The following DCC variants were observed in gnomAD, a reference collection of about 807,000 sequenced individuals.
DCC encodes netrin receptor DCC.
Under a neutral mutation model 172.5 loss-of-function variants are expected in DCC, and 58 were observed. The observed-to-expected ratio is 0.34, with a 90% CI of 0.27 to 0.42. The LOEUF is 0.42. Among genes scored for constraint, DCC ranks in the 10% least tolerant of loss-of-function variants. The pLI is 1.00. For missense variants in DCC, 1,740 were observed against 1,791.0 expected (o/e 0.97, Z 0.51); for synonymous variants, 709 against 644.5 (o/e 1.10, Z -1.52).
intron 11 of DCC, among the ~76,000 whole-genome samples, chr18:53,208,421 C>T (rs892028308): frequency 6.6e-6 from 1 of 151,908 alleles, no homozygotes; most frequent in African/African-American, 2.4e-5. Context: ...TTTTCTAATA[C>T]ACATTTGTGC....
At chr18:52,573,647 T>A (rs1210255266) in intron 1 of DCC, among the ~76,000 whole-genome samples, 4 of 152,210 alleles carry the variant, frequency 2.6e-5, no homozygotes, top group Non-Finnish European at 4.4e-5. Context: ...ATCTGCTGTC[T>A]CTTTCTATTT....
intron 7 of DCC, among the ~76,000 whole-genome samples, chr18:53,143,376 G>A (rs958089154): frequency 6.6e-6 from 1 of 152,164 alleles, no homozygotes; most frequent in Admixed American, 6.5e-5. Context: ...GAGAATACAG[G>A]TTGGTTGCCC....
intron 5 of DCC, among the ~76,000 whole-genome samples, chr18:52,959,510 C>T (rs1335357429): frequency 6.0e-5 from 9 of 149,292 alleles, no homozygotes; most frequent in South Asian, 4.2e-4. Context: ...GTTTGGGCTT[C>T]GATGGAACCC....
intron 27 of DCC, among the ~76,000 whole-genome samples, chr18:53,508,471 G>A (rs529398858): frequency 6.6e-6 from 1 of 152,252 alleles, no homozygotes; most frequent in South Asian, 2.1e-4. Context: ...AGGATTACAG[G>A]CATGAGCCAC....
chr18:52,510,575 T>C (rs1037517278), intron 1 of DCC, among the ~76,000 whole-genome samples: 1 of 152,198 alleles, frequency 6.6e-6, no homozygotes, highest in Admixed American at 6.5e-5. Flanking sequence ...ATGGTGCCCT[T>C]ATTTCCACTC....
chr18:52,539,290 G>T (rs1381349139), intron 1 of DCC, among the ~76,000 whole-genome samples: 1 of 152,000 alleles, frequency 6.6e-6, no homozygotes, highest in Non-Finnish European at 1.5e-5. Flanking sequence ...ATCTAAGAGG[G>T]AGTTCAAGGT....
At chr18:52,424,100 GT>G (rs1480203863) in intron 1 of DCC, among the ~76,000 whole-genome samples, 1 of 151,992 alleles carries the variant, frequency 6.6e-6, no homozygotes, top group Non-Finnish European at 1.5e-5. Context: ...ATGAAAATTG[GT>G]TTGCTTATTT....
At position 53,459,304 on chromosome 18, in the gene DCC, C is replaced by A. The variant is rs764560569; in HGVS notation, c.3465C>A (p.Ile1155=). 1 of 1,614,100 alleles carries A rather than the reference C, an allele frequency of 6.2e-7. No homozygotes were observed. Among genetic ancestry groups the A allele is most frequent in the East Asian group, 2.2e-5 (1 of 44,860 alleles). ...ACCTCCGACCCCCTGATCTTTGGAT[C>A]CATCATGAAGAAATGGAGATGAAAA... ...QKDLRPPDLW[I]HHEEMEMKNI... Residue 1155 remains isoleucine, a synonymous_variant, in exon 24 of 29, where the codon ATC becomes ATA. Transcript: ENST00000442544.
chr18:53,364,281 G>T (rs150971713), intron 15 of DCC, among the ~76,000 whole-genome samples: 29 of 152,198 alleles, frequency 1.9e-4, no homozygotes, highest in South Asian at 6.2e-4. Context: ...TTGTTACAAA[G>T]ATTAAATAGG....
chr18:53,258,777 C>A (rs550219326), intron 12 of DCC, among the ~76,000 whole-genome samples: 1 of 152,282 alleles, frequency 6.6e-6, no homozygotes, highest in Admixed American at 6.5e-5. Flanking sequence ...TTTTAACTTT[C>A]TGTCTCTTTG....
intron 1 of DCC, among the ~76,000 whole-genome samples, chr18:52,363,545 G>C (rs1230182328): frequency 2.6e-5 from 4 of 152,104 alleles, no homozygotes; most frequent in Admixed American, 2.0e-4. Context: ...TTATCACTGG[G>C]GATATATGTC....
At chr18:53,011,898 G>A (rs947669018) in intron 5 of DCC, among the ~76,000 whole-genome samples, 2 of 151,520 alleles carry the variant, frequency 1.3e-5, no homozygotes, top group African/African-American at 2.4e-5. Flanking sequence ...TACAAAATGT[G>A]GATTGTTTTG....
Position 52,727,472 on chromosome 18 carries a change from CTTTTCT to C in DCC, c.92-24580_92-24575del, listed in dbSNP as rs2036568419. 2.0e-5 allele frequency among the ~76,000 whole-genome samples: 3 copies of C among 152,228 alleles called. No homozygotes were observed. In the South Asian group the frequency reaches 6.2e-4, roughly 32 times the overall value. ...GATCCTGAAACTTTGATTGCTTTTC[CTTTTCT>C]TATTTGCTTTGTTCATCTCAGAGAA... is the stretch of plus-strand genomic sequence containing the variant. On this transcript the variant is annotated intron_variant, in intron 1 of 28. Transcript: ENST00000442544.
chr18:52,661,198 A>G (rs150816058), intron 1 of DCC, among the ~76,000 whole-genome samples: 15 of 152,340 alleles, frequency 9.8e-5, no homozygotes, highest in African/African-American at 3.4e-4. Flanking sequence ...ACTCCAGGAC[A>G]ACACAAGAAT....
chr18:52,723,119 C>T (rs147078496), intron 1 of DCC, among the ~76,000 whole-genome samples: 33 of 152,290 alleles, frequency 2.2e-4, no homozygotes, highest in African/African-American at 7.5e-4. Context: ...CTACCCCTCC[C>T]TCCCTTTCTC....
chr18:52,991,250 T>TG (rs1476308249), intron 5 of DCC, among the ~76,000 whole-genome samples: 3 of 152,168 alleles, frequency 2.0e-5, no homozygotes, highest in Non-Finnish European at 4.4e-5. Context: ...CTAGTCTAAT[T>TG]TTTTTAAATT....
intron 17 of DCC, among the ~76,000 whole-genome samples, chr18:53,393,798 A>T (rs1476038184): frequency 6.6e-6 from 1 of 152,162 alleles, no homozygotes; most frequent in Non-Finnish European, 1.5e-5. Context: ...TGAATCTCAC[A>T]AAGAGTGCCT....
chr18:52,409,774 T>C (rs1986782050), intron 1 of DCC, among the ~76,000 whole-genome samples: 1 of 152,152 alleles, frequency 6.6e-6, no homozygotes, highest in Non-Finnish European at 1.5e-5. Flanking sequence ...AGGTGAATAA[T>C]TATTAATGTC....
At chr18:53,125,182 T>A (rs1277703612) in intron 7 of DCC, among the ~76,000 whole-genome samples, 1 of 152,188 alleles carries the variant, frequency 6.6e-6, no homozygotes, top group South Asian at 2.1e-4. Context: ...ACATAATAAT[T>A]TGCTGATCTA....
Sources: allele counts gnomAD v4.1 joint callset (sites outside exome capture counted in the v4.1 genomes callset), GRCh38; gene constraint gnomAD v4.1.1; transcripts MANE v1.5; gene names NCBI Gene and HGNC (gene_info 2026-07-23, HGNC 2026-07-21).